COLEC12: variants seen among roughly 807,000 people sequenced by gnomAD.
COLEC12 encodes the protein collectin subfamily member 12.
Under a neutral mutation model 71.1 loss-of-function variants are expected in COLEC12, and 33 were observed. The observed-to-expected ratio is 0.46, with a 90% CI of 0.35 to 0.62. COLEC12 has a LOEUF of 0.62. COLEC12 is among the 20% of genes least tolerant of loss of function. COLEC12 has a pLI of 0.00. For synonymous variants in COLEC12, 350 were observed against 353.0 expected (o/e 0.99, Z 0.10); for missense variants, 765 against 916.1 (o/e 0.84, Z 2.13).
chr18:329,713 T>C (rs1786496756), intron 8 of COLEC12, among the ~76,000 whole-genome samples: 1 of 152,222 alleles, frequency 6.6e-6, no homozygotes, highest in South Asian at 2.1e-4. Flanking sequence ...AGTCTGAGGC[T>C]CACCTTCAGA....
chr18:383,024 C>T (rs185861573), intron 2 of COLEC12, among the ~76,000 whole-genome samples: 37 of 152,186 alleles, frequency 2.4e-4, no homozygotes, highest in Non-Finnish European at 7.4e-5. Context: ...CTGGCCTGCA[C>T]CTCCATGCTG....
intron 3 of COLEC12, among the ~76,000 whole-genome samples, chr18:352,691 T>C (rs926280632): frequency 1.3e-5 from 2 of 152,194 alleles, no homozygotes; most frequent in Non-Finnish European, 2.9e-5. Context: ...TGCTACTGCA[T>C]AAAAATACCA....
intron 5 of COLEC12, among the ~76,000 whole-genome samples, chr18:343,962 C>A (rs1230997806): frequency 1.3e-5 from 2 of 152,218 alleles, no homozygotes; most frequent in Admixed American, 1.3e-4. Flanking sequence ...CAGGGTCTCA[C>A]CTTCAAATAC....
intron 1 of COLEC12, among the ~76,000 whole-genome samples, chr18:489,347 C>T (rs1917578429): frequency 6.6e-6 from 1 of 152,068 alleles, no homozygotes; most frequent in African/African-American, 2.4e-5. Context: ...AATGTACATC[C>T]CACACACACT....
At chr18:436,380 G>A (rs907740676) in intron 2 of COLEC12, among the ~76,000 whole-genome samples, 8 of 151,968 alleles carry the variant, frequency 5.3e-5, no homozygotes, top group Middle Eastern at 3.4e-3. Context: ...GTGTGGTGGC[G>A]GGTACATGTA....
intron 1 of COLEC12, among the ~76,000 whole-genome samples, chr18:482,998 T>C (rs1038266929): frequency 6.6e-6 from 1 of 152,268 alleles, no homozygotes; most frequent in Non-Finnish European, 1.5e-5. Context: ...AGACATGATC[T>C]AGCTATATCT....
At chr18:457,803 T>C (rs1190940344) in intron 2 of COLEC12, among the ~76,000 whole-genome samples, 2 of 152,182 alleles carry the variant, frequency 1.3e-5, no homozygotes, top group South Asian at 2.1e-4. Flanking sequence ...GCCTCCTTCA[T>C]TGCGCATTTT....
At chr18:332,147 G>A (rs1456700076) in intron 7 of COLEC12, among the ~76,000 whole-genome samples, 2 of 152,200 alleles carry the variant, frequency 1.3e-5, no homozygotes, top group South Asian at 2.1e-4. Context: ...TGGGCCCCAC[G>A]TGCAGTGTGT....
At chr18:461,227 A>C (rs2621170) in intron 2 of COLEC12, among the ~76,000 whole-genome samples, 120,831 of 152,120 alleles carry the variant, frequency 0.79, 48,224 homozygotes, top group East Asian at 0.99. Flanking sequence ...TGTGTAATTT[A>C]AATTTTTTCT....
chr18:387,465 A>G (rs1567892642), intron 2 of COLEC12, among the ~76,000 whole-genome samples: 1 of 151,824 alleles, frequency 6.6e-6, no homozygotes, highest in Non-Finnish European at 1.5e-5. Context: ...AATGGCTAGA[A>G]CTCCATTTTT....
intron 2 of COLEC12, among the ~76,000 whole-genome samples, chr18:464,237 C>A (rs1416553151): frequency 1.3e-5 from 2 of 152,192 alleles, no homozygotes; most frequent in Middle Eastern, 3.2e-3. Context: ...TTGGCTGTAG[C>A]AACCTTGAGA....
chr18:482,747 G>A (rs1917446972), intron 1 of COLEC12, among the ~76,000 whole-genome samples: 1 of 152,068 alleles, frequency 6.6e-6, no homozygotes, highest in South Asian at 2.1e-4. Context: ...AAGTAACTGG[G>A]ATTGCAGGCG....
chr18:449,695 C>T (rs945000557), intron 2 of COLEC12, among the ~76,000 whole-genome samples: 5 of 152,224 alleles, frequency 3.3e-5, no homozygotes, highest in Admixed American at 6.5e-5. Context: ...CCACACAGTC[C>T]GGGCGGAGTC....
chr18:331,622 A>T (rs1913983279), intron 8 of COLEC12, 46 bp downstream of exon 8: 1 of 1,235,860 alleles, frequency 8.1e-7, no homozygotes, highest in South Asian at 1.2e-5. Flanking sequence ...GTGACAACAG[A>T]ACAGTGAGAG....
chr18:496,092 G>A (rs1917707621), intron 1 of COLEC12, among the ~76,000 whole-genome samples: 1 of 152,158 alleles, frequency 6.6e-6, no homozygotes, highest in African/African-American at 2.4e-5. Flanking sequence ...CCATTTGAAA[G>A]CTAATACTTC....
chr18:386,118 G>A lies in COLEC12; in HGVS notation c.59-28596C>T, dbSNP rs531961557. ...TTTTGTGGGTGGGGGAGAAGGCTAG[G>A]CTTCAGTTTGACCCTTGAGGGATGG... On this transcript the variant is annotated intron_variant, in intron 2 of 9. Coordinates refer to ENST00000400256, the MANE Select transcript of COLEC12 (RefSeq NM_130386.3). 1.0e-3 allele frequency among the ~76,000 whole-genome samples: 159 copies of A among 152,220 alleles called. 1 individual carries two copies. The highest frequency in any genetic ancestry group is 7.6e-3 in the Admixed American group (116 of 15,296).
rs1365217177 is a variant in COLEC12 at position 369,913 on chromosome 18, GGAGGAATCACCACC to G, written c.59-12405_59-12392del. Reference sequence around the variant, plus strand: ...ATGGAGGACACATTTGGATTCAGATGGAGGAATCACCACCGAGGAAAGGATTATGAAGAGCAACC... The same window carrying G: ...ATGGAGGACACATTTGGATTCAGATGGAGGAAAGGATTATGAAGAGCAACC... On this transcript the variant is annotated intron_variant, in intron 2 of 9. Transcript: ENST00000400256. Among the ~76,000 whole-genome samples, 9 of 152,244 alleles carry G rather than the reference GGAGGAATCACCACC, an allele frequency of 5.9e-5. No individual in the cohort carries two copies. In the South Asian group the frequency reaches 8.3e-4, roughly 14 times the overall value.
chr18:402,711 C>G (rs1915712358), intron 2 of COLEC12, among the ~76,000 whole-genome samples: 1 of 151,708 alleles, frequency 6.6e-6, no homozygotes, highest in Non-Finnish European at 1.5e-5. Flanking sequence ...AAAGTTTGTT[C>G]CTTGCTTTCA....
At chr18:464,699 G>C (rs1342253223) in intron 2 of COLEC12, among the ~76,000 whole-genome samples, 2 of 152,172 alleles carry the variant, frequency 1.3e-5, no homozygotes, top group Non-Finnish European at 2.9e-5. Flanking sequence ...ATCAATACTG[G>C]TGCTATGTCT....
Sources: gnomAD v4.1 joint callset for allele counts (sites outside exome capture counted in the v4.1 genomes callset) on GRCh38, gnomAD v4.1.1 for gene constraint, MANE v1.5 for transcripts, NCBI Gene and HGNC (gene_info 2026-07-23, HGNC 2026-07-21) for gene names.